DGKI: variants seen among roughly 807,000 people sequenced by gnomAD.
DGKI encodes the protein diacylglycerol kinase iota.
A neutral mutation model predicts 147.5 loss-of-function variants in DGKI; 55 were observed. That is an observed-to-expected ratio of 0.37 (90% CI 0.30 to 0.47). The LOEUF is 0.47. Among genes scored for constraint, DGKI ranks in the 20% least tolerant of loss-of-function variants. The pLI is 1.00. For synonymous variants in DGKI, 469 were observed against 477.1 expected, an observed-to-expected ratio of 0.98 and a Z score of 0.22; for missense variants, 1,007 against 1,323.8, an observed-to-expected ratio of 0.76 and a Z score of 3.71.
chr7:137,757,438 G>A (rs986326635), intron 1 of DGKI, among the ~76,000 whole-genome samples: 1 of 152,082 alleles, frequency 6.6e-6, no homozygotes, highest in African/African-American at 2.4e-5. Flanking sequence ...GGTGTCAGCT[G>A]GGATTCTGTG....
At chr7:137,610,837 A>C (rs931758889) in intron 8 of DGKI, among the ~76,000 whole-genome samples, 1 of 151,956 alleles carries the variant, frequency 6.6e-6, no homozygotes, top group Admixed American at 6.6e-5. Context: ...TGGATTTGGG[A>C]AAAAAAATAA....
intron 24 of DGKI, among the ~76,000 whole-genome samples, chr7:137,468,338 G>A (rs1814743394): frequency 6.6e-6 from 1 of 152,040 alleles, no homozygotes; most frequent in Admixed American, 6.6e-5. Context: ...CTACTACCTG[G>A]GCTAAGACTG....
chr7:137,656,319 C>G, intron 4 of DGKI, 147 bp downstream of exon 4: 1 of 782,150 alleles, frequency 1.3e-6, no homozygotes, highest in South Asian at 1.7e-5. Flanking sequence ...CATTGTCTTT[C>G]CATTAGTAAT....
intron 1 of DGKI, among the ~76,000 whole-genome samples, chr7:137,799,998 A>C (rs890874084): frequency 2.0e-5 from 3 of 152,208 alleles, no homozygotes; most frequent in Non-Finnish European, 1.5e-5. Context: ...AACTGTTAGA[A>C]ATAAAACAGG....
At chr7:137,654,817 A>G in intron 4 of DGKI, 29 bp from the exon 5 acceptor site, 2 of 1,430,140 alleles carry the variant, frequency 1.4e-6, no homozygotes, top group South Asian at 1.2e-5. Context: ...AGTATATTAT[A>G]TTAGAGATAA....
intron 10 of DGKI, among the ~76,000 whole-genome samples, chr7:137,600,159 C>G (rs1819938487): frequency 6.6e-6 from 1 of 151,910 alleles, no homozygotes; most frequent in Non-Finnish European, 1.5e-5. Flanking sequence ...TGACACATGT[C>G]TTTAGTCCCA....
intron 3 of DGKI, among the ~76,000 whole-genome samples, chr7:137,662,806 T>A (rs1278376784): frequency 6.6e-6 from 1 of 152,192 alleles, no homozygotes; most frequent in African/African-American, 2.4e-5. Flanking sequence ...TGCAATGTGA[T>A]CTGTGGACAG....
In DGKI at chr7:137,540,854, T is replaced by G. The variant is rs1056364229; in HGVS notation, c.2147+11515A>C. ...AATCTAACAAAATAGGTATAAAATC[T>G]TTATGCAAAAAACTACCAAGAAATG... On this transcript the variant is annotated intron_variant, in intron 20 of 32. Transcript: ENST00000614521. Among the ~76,000 whole-genome samples, 4 of 147,126 alleles carry G rather than the reference T, an allele frequency of 2.7e-5. No individual in the cohort carries two copies. In the Admixed American group the frequency reaches 2.7e-4, roughly 10 times the overall value.
At chr7:137,685,785 C>T (rs1823395130) in intron 2 of DGKI, among the ~76,000 whole-genome samples, 1 of 152,054 alleles carries the variant, frequency 6.6e-6, no homozygotes, top group Non-Finnish European at 1.5e-5. Flanking sequence ...ACTGTGTGCG[C>T]CTTAAAATCT....
intron 1 of DGKI, among the ~76,000 whole-genome samples, chr7:137,763,380 A>T (rs1795918077): frequency 6.6e-6 from 1 of 152,142 alleles, no homozygotes; most frequent in Admixed American, 6.5e-5. Flanking sequence ...CATCTGCTGT[A>T]TTTGCTCTAT....
chr7:137,651,619 C>T (rs973851322), intron 5 of DGKI, among the ~76,000 whole-genome samples: 1 of 152,136 alleles, frequency 6.6e-6, no homozygotes, highest in African/African-American at 2.4e-5. Flanking sequence ...GTTGTCAGCC[C>T]ACATGGTATT....
At chr7:137,795,079 A>G (rs1559491) in intron 1 of DGKI, among the ~76,000 whole-genome samples, 87,497 of 152,074 alleles carry the variant, frequency 0.58, 28,170 homozygotes, top group African/African-American at 0.89. Flanking sequence ...AGACAGAATG[A>G]TGCTCCCTGA....
chr7:137,646,272 T>C (rs1408765464), intron 5 of DGKI, among the ~76,000 whole-genome samples: 1 of 152,176 alleles, frequency 6.6e-6, no homozygotes, highest in Non-Finnish European at 1.5e-5. Flanking sequence ...GTGAGAATTA[T>C]TCACTAGATA....
chr7:137,606,312 TAAAAAAAAA>T (rs1563108792), intron 10 of DGKI, among the ~76,000 whole-genome samples: 2 of 149,124 alleles, frequency 1.3e-5, no homozygotes, highest in Non-Finnish European at 3.0e-5. Context: ...AAAAATTTTT[TAAAAAAAAA>T]GAAAAAAAAA....
At chr7:137,541,259 A>T (rs1003132006) in intron 20 of DGKI, among the ~76,000 whole-genome samples, 2 of 152,154 alleles carry the variant, frequency 1.3e-5, no homozygotes, top group Non-Finnish European at 2.9e-5. Context: ...ACGTGTGTGC[A>T]TGTGCGTGTG....
At chr7:137,414,387 T>A (rs1035157773) in intron 28 of DGKI, among the ~76,000 whole-genome samples, 1 of 152,196 alleles carries the variant, frequency 6.6e-6, no homozygotes, top group African/African-American at 2.4e-5. Flanking sequence ...AGCAGCATCC[T>A]CTTTGCATTC....
chr7:137,540,482 G>T (rs975722411), intron 20 of DGKI, among the ~76,000 whole-genome samples: 12 of 152,122 alleles, frequency 7.9e-5, no homozygotes, highest in African/African-American at 2.7e-4. Context: ...AATGAATTTA[G>T]TAAGGCCAAT....
At chr7:137,836,501 A>C (rs1798386245) in intron 1 of DGKI, among the ~76,000 whole-genome samples, 1 of 152,216 alleles carries the variant, frequency 6.6e-6, no homozygotes, top group Non-Finnish European at 1.5e-5. Context: ...ATGCCATTTC[A>C]GACATGTAAA....
At chr7:137,643,830 A>T (rs1205938908) in intron 6 of DGKI, among the ~76,000 whole-genome samples, 1 of 152,210 alleles carries the variant, frequency 6.6e-6, no homozygotes, top group East Asian at 1.9e-4. Context: ...TTTTCTTTTA[A>T]TAAAATCCCT....
Sources: gnomAD v4.1 joint callset for allele counts (sites outside exome capture counted in the v4.1 genomes callset) on GRCh38, gnomAD v4.1.1 for gene constraint, MANE v1.5 for transcripts, NCBI Gene and HGNC (gene_info 2026-07-23, HGNC 2026-07-21) for gene names.